SCN11A: variants seen among roughly 807,000 people sequenced by gnomAD.
The protein encoded by SCN11A is sodium channel protein type 11 subunit alpha.
In SCN11A, 122 loss-of-function variants were observed where a neutral mutation model predicts 162.2. The ratio of observed to expected loss-of-function variants is 0.75; its 90% confidence interval spans 0.65 to 0.87. The LOEUF is 0.87. Among genes scored for constraint, SCN11A ranks in the 40% least tolerant of loss-of-function variants. The pLI is 0.00. For missense variants in SCN11A, 2,015 were observed against 2,181.6 expected (o/e 0.92, Z 1.52); for synonymous variants, 758 against 751.5 (o/e 1.01, Z -0.14).
intron 27 of SCN11A, among the ~76,000 whole-genome samples, chr3:38,866,320 G>A (rs930207826): frequency 4.6e-5 from 7 of 151,836 alleles, no homozygotes; most frequent in African/African-American, 1.7e-4. Flanking sequence ...CCAGGTTCAA[G>A]CAATTCTCCT....
chr3:38,961,864 A>C (rs770160111), intron 2 of SCN11A, among the ~76,000 whole-genome samples: 1 of 152,064 alleles, frequency 6.6e-6, no homozygotes, highest in Non-Finnish European at 1.5e-5. Flanking sequence ...AAAGCTCTTT[A>C]GTTTAATTAG....
At chr3:38,987,115 G>T (rs921264716) in intron 2 of SCN11A, among the ~76,000 whole-genome samples, 1 of 152,020 alleles carries the variant, frequency 6.6e-6, no homozygotes, top group Admixed American at 6.6e-5. Context: ...CGCAGTAAAA[G>T]ACAGAAGCTG....
chr3:38,888,949 G>C (rs906762463), intron 19 of SCN11A, among the ~76,000 whole-genome samples: 2 of 151,808 alleles, frequency 1.3e-5, no homozygotes, highest in African/African-American at 4.8e-5. Context: ...CACTGCTAAA[G>C]AACTTATCCA....
At position 38,896,845 on chromosome 3, in the gene SCN11A, C is replaced by G. The variant is rs1425645709; in HGVS notation, c.2403G>C (p.Val801=). 1.3e-6 allele frequency: 2 copies of G among 1,512,452 alleles called. No individual in the cohort carries two copies. The highest frequency in any genetic ancestry group is 2.1e-5 in the Admixed American group (1 of 47,220). The allele number at this position is 1,512,452 out of a possible 1,614,324, so 93.7% of individuals were successfully genotyped here. ...FILITVIGKL[V]VLNLFIALLL... Reference sequence around the variant, plus strand: ...TTTGAAAAAAATCTAAGACACATACCACAAGTTTTCCTATCACCGTGATCA... The same window carrying G: ...TTTGAAAAAAATCTAAGACACATACGACAAGTTTTCCTATCACCGTGATCA... The change falls in exon 18 of 30, where the codon GTG becomes GTC. Residue 801 remains valine (V), a splice_region_variant and synonymous_variant. Transcript: ENST00000302328.
intron 28 of SCN11A, among the ~76,000 whole-genome samples, chr3:38,860,114 A>G (rs2064939428): frequency 6.6e-6 from 1 of 151,962 alleles, no homozygotes; most frequent in African/African-American, 2.4e-5. Context: ...TCGACCCCCT[A>G]TGATTCCATA....
Position 38,910,312 on chromosome 3 carries a change from G to A in SCN11A, c.960-105C>T. 5 of 1,128,334 alleles carry A rather than the reference G, an allele frequency of 4.4e-6. No individual in the cohort carries two copies. In the South Asian group the frequency reaches 7.8e-5, roughly 18 times the overall value. 69.9% of individuals were successfully genotyped at this position (1,128,334 alleles called of 1,614,324 possible). Reference sequence around the variant, plus strand: ...TCCAAGGGCTGTGGGATCACACCAGGAGCCCTAGAGGAAGGGAGTATTTGT... The same window carrying A: ...TCCAAGGGCTGTGGGATCACACCAGAAGCCCTAGAGGAAGGGAGTATTTGT... On this transcript the variant is annotated intron_variant, in intron 11 of 29. Coordinates refer to ENST00000302328, the MANE Select transcript of SCN11A (RefSeq NM_001349253.2).
rs187913776 is a variant in SCN11A, at chr3:38,994,099, A to G, written c.-279-33676T>C. On this transcript the variant is annotated intron_variant, in intron 2 of 29. Transcript: ENST00000302328. ...CTGGTCTTCCTGGGATCGCTCCCCAAATAAATTCTGTGCATCCAAGTCCTT... is the reference window on the plus strand; with the variant it reads ...CTGGTCTTCCTGGGATCGCTCCCCAGATAAATTCTGTGCATCCAAGTCCTT... Among the ~76,000 whole-genome samples, 416 of 152,334 alleles carry G rather than the reference A, an allele frequency of 2.7e-3. 1 individual carries two copies. The highest frequency in any genetic ancestry group is 9.5e-3 in the African/African-American group (396 of 41,572).
chr3:38,858,920 A>G lies in SCN11A; in HGVS notation c.4056+4275T>C, dbSNP rs1343094062. Among the ~76,000 whole-genome samples the G allele has an allele frequency of 2.0e-5, 3 of 152,152 alleles. No homozygotes were observed. The East Asian group carries it at 5.8e-4, about 29-fold the overall frequency. On this transcript the variant is annotated intron_variant, in intron 28 of 29. Coordinates refer to ENST00000302328, the MANE Select transcript of SCN11A (RefSeq NM_001349253.2). ...AAATTAAATAATCTCCTCTTGAATG[A>G]TCTTTGGGTTAACAATGAAATCAAG... is the stretch of plus-strand genomic sequence containing the variant.
chr3:39,024,035 T>C (rs146869924), intron 2 of SCN11A, among the ~76,000 whole-genome samples: 1 of 152,286 alleles, frequency 6.6e-6, no homozygotes, highest in Non-Finnish European at 1.5e-5. Context: ...ATATAAACTG[T>C]AGGGACCAAA....
At chr3:38,854,234 C>T (rs1279857560) in intron 28 of SCN11A, among the ~76,000 whole-genome samples, 1 of 152,080 alleles carries the variant, frequency 6.6e-6, no homozygotes, top group Non-Finnish European at 1.5e-5. Flanking sequence ...GCTTCTGTAC[C>T]ACAATGGCAG....
At chr3:38,955,415 T>C (rs1351618200) in intron 3 of SCN11A, among the ~76,000 whole-genome samples, 1 of 152,216 alleles carries the variant, frequency 6.6e-6, no homozygotes, top group African/African-American at 2.4e-5. Flanking sequence ...AATTTCCTTA[T>C]TAACTGAAAA....
chr3:38,888,033 C>T (rs989423637), intron 19 of SCN11A, among the ~76,000 whole-genome samples: 1 of 152,112 alleles, frequency 6.6e-6, no homozygotes, highest in Non-Finnish European at 1.5e-5. Flanking sequence ...AATAAGATAG[C>T]AGGTAATGGT....
At chr3:39,027,122 T>A (rs6802909) in intron 2 of SCN11A, among the ~76,000 whole-genome samples, 1,847 of 151,646 alleles carry the variant, frequency 0.012, 16 homozygotes, top group Non-Finnish European at 0.019. Flanking sequence ...AAAAAAAAAA[T>A]GTCCAGCAGA....
chr3:38,934,340 C>T lies in SCN11A; in HGVS notation c.489-7409G>A, dbSNP rs576649283. Among the ~76,000 whole-genome samples the T allele has an allele frequency of 5.4e-3, 821 of 152,234 alleles. 6 individuals are homozygous for T. Among genetic ancestry groups the T allele is most frequent in the African/African-American group, 0.019 (778 of 41,524 alleles). Reference sequence around the variant, plus strand: ...ACTAATGAGCAAAATAACCAGCTAACATCATAATGACAGGATCAAATTCAC... The same window carrying T: ...ACTAATGAGCAAAATAACCAGCTAATATCATAATGACAGGATCAAATTCAC... On this transcript the variant is annotated intron_variant, in intron 7 of 29. Coordinates refer to ENST00000302328, the MANE Select transcript of SCN11A (RefSeq NM_001349253.2).
chr3:39,051,900 C>A lies in SCN11A; in HGVS notation c.-443G>T, dbSNP rs1021103961. ...ACCGGCCACACAGCAACTAACAGCACCGAGGAAACACAACAGCCTGTTTAC... is the reference window on the plus strand; with the variant it reads ...ACCGGCCACACAGCAACTAACAGCAACGAGGAAACACAACAGCCTGTTTAC... On this transcript the variant is annotated 5_prime_UTR_variant, in exon 1 of 30. Coordinates refer to ENST00000302328, the MANE Select transcript of SCN11A (RefSeq NM_001349253.2). 2.5e-5 allele frequency: 30 copies of A among 1,194,530 alleles called. No homozygotes were observed. The African/African-American group carries it at 4.4e-4, about 18-fold the overall frequency. The allele number at this position is 1,194,530 out of a possible 1,614,324, so 74.0% of individuals were successfully genotyped here.
At position 38,987,301 on chromosome 3, in the gene SCN11A, TCTCA is replaced by T. The variant is rs1253287348; in HGVS notation, c.-279-26882_-279-26879del. Among the ~76,000 whole-genome samples, 496 of 113,554 alleles carry T rather than the reference TCTCA, an allele frequency of 4.4e-3. 3 individuals carry two copies. The highest frequency in any genetic ancestry group is 0.019 in the South Asian group (69 of 3,592). 74.5% of individuals were successfully genotyped at this position (113,554 alleles called of 152,430 possible). On this transcript the variant is annotated intron_variant, in intron 2 of 29. Coordinates refer to ENST00000302328, the MANE Select transcript of SCN11A (RefSeq NM_001349253.2). ...CTTTCTCTCTCTCTCTCTCTCTCTC[TCTCA>T]CACACACACACACACACACACACAC...
chr3:39,010,841 T>G (rs1449355657), intron 2 of SCN11A, among the ~76,000 whole-genome samples: 1 of 152,202 alleles, frequency 6.6e-6, no homozygotes, highest in Non-Finnish European at 1.5e-5. Context: ...GTTTCCGAAC[T>G]GGGGGGTGGA....
intron 25 of SCN11A, 46 bp from the exon 26 acceptor site, chr3:38,870,790 C>T: frequency 1.3e-6 from 2 of 1,543,500 alleles, no homozygotes; most frequent in Non-Finnish European, 1.8e-6. Context: ...TGTAGACTTG[C>T]CATCAACAGA....
At chr3:38,917,720 A>G (rs1217482096) in intron 11 of SCN11A, among the ~76,000 whole-genome samples, 3 of 152,132 alleles carry the variant, frequency 2.0e-5, no homozygotes, top group African/African-American at 7.2e-5. Context: ...TGGGTACTAG[A>G]TTTAATACCT....
Sources: allele counts gnomAD v4.1 joint callset (sites outside exome capture counted in the v4.1 genomes callset), GRCh38; gene constraint gnomAD v4.1.1; transcripts MANE v1.5; gene names NCBI Gene and HGNC (gene_info 2026-07-23, HGNC 2026-07-21).